Variants in GALNT13 observed in about 807,000 individuals in gnomAD.
GALNT13 encodes the protein polypeptide N-acetylgalactosaminyltransferase 13, also known as UDP-GalNAc:polypeptide N-acetylgalactosaminyltransferase 13.
GALNT13 carries 28 observed loss-of-function variants against 64.2 expected under a neutral mutation model. That is an observed-to-expected ratio of 0.44 (90% CI 0.32 to 0.60). GALNT13 has a LOEUF of 0.60. Ranked by LOEUF, GALNT13 falls within the 20% of genes least tolerant of loss-of-function variation. GALNT13 has a pLI of 0.05. For missense variants in GALNT13, 577 were observed against 669.8 expected (o/e 0.86, Z 1.53); for synonymous variants, 214 against 224.6 (o/e 0.95, Z 0.42).
intron 7 of GALNT13, among the ~76,000 whole-genome samples, chr2:154,249,523 T>C (rs1028234166): frequency 1.3e-5 from 2 of 152,200 alleles, no homozygotes; most frequent in Non-Finnish European, 2.9e-5. Context: ...TATGAAGATA[T>C]TCATTTCCAC....
chr2:154,403,677 A>C (rs978837), intron 10 of GALNT13, among the ~76,000 whole-genome samples: 99,209 of 151,942 alleles, frequency 0.65, 32,936 homozygotes, highest in East Asian at 0.73. Context: ...CTTTGTTTTT[A>C]GGCTTTTTGA....
At chr2:154,023,629 G>A (rs1697704361) in intron 3 of GALNT13, among the ~76,000 whole-genome samples, 1 of 152,134 alleles carries the variant, frequency 6.6e-6, no homozygotes, top group Admixed American at 6.5e-5. Context: ...GCACACTGAT[G>A]GGTCTTGACT....
chr2:154,426,489 C>G (rs1700477438), intron 11 of GALNT13, among the ~76,000 whole-genome samples: 1 of 152,174 alleles, frequency 6.6e-6, no homozygotes, highest in Admixed American at 6.5e-5. Flanking sequence ...CTTCGGTCAT[C>G]TGCAAATTGT....
At chr2:154,035,902 A>G (rs1234858098) in intron 3 of GALNT13, among the ~76,000 whole-genome samples, 1 of 152,036 alleles carries the variant, frequency 6.6e-6, no homozygotes, top group Non-Finnish European at 1.5e-5. Context: ...TTTGAGATGA[A>G]GATATTTCCA....
chr2:154,378,023 A>T (rs115591066), intron 9 of GALNT13, among the ~76,000 whole-genome samples: 66 of 152,114 alleles, frequency 4.3e-4, no homozygotes, highest in Middle Eastern at 3.4e-3. Flanking sequence ...CTTCCTTGTG[A>T]CTACATTTAT....
At chr2:154,091,938 A>G (rs1195283779) in intron 3 of GALNT13, among the ~76,000 whole-genome samples, 1 of 151,910 alleles carries the variant, frequency 6.6e-6, no homozygotes, top group African/African-American at 2.4e-5. Flanking sequence ...GCTTTAAACT[A>G]ATCGGATATT....
At chr2:153,866,565 T>G in the GALNT13 span, among the ~76,000 whole-genome samples, 1 of 152,158 alleles carries the variant, frequency 6.6e-6, no homozygotes, top group Non-Finnish European at 1.5e-5. Flanking sequence ...TAAGATAAAC[T>G]AGAGCAAATT....
intron 3 of GALNT13, among the ~76,000 whole-genome samples, chr2:154,073,862 C>G (rs372744874): frequency 6.6e-6 from 1 of 151,702 alleles, no homozygotes; most frequent in South Asian, 2.1e-4. Context: ...AACAAAATAA[C>G]ATAACAAAAA....
intron 9 of GALNT13, among the ~76,000 whole-genome samples, chr2:154,324,939 A>G (rs1694804497): frequency 6.6e-6 from 1 of 152,044 alleles, no homozygotes; most frequent in Non-Finnish European, 1.5e-5. Context: ...ACGCAACCTT[A>G]TTTGTAAGAT....
chr2:153,087,658 T>C, the GALNT13 span, among the ~76,000 whole-genome samples: 11 of 152,132 alleles, frequency 7.2e-5, no homozygotes, highest in Non-Finnish European at 1.0e-4. Flanking sequence ...ATTCATCCTC[T>C]ATCTGTTCAG....
the GALNT13 span, among the ~76,000 whole-genome samples, chr2:153,857,888 A>C: frequency 1.6e-3 from 249 of 152,304 alleles, no homozygotes; most frequent in Non-Finnish European, 2.6e-3. Context: ...CATTGAGACC[A>C]ACTTTCAGAG....
At chr2:153,406,689 T>G in the GALNT13 span, among the ~76,000 whole-genome samples, 1 of 152,214 alleles carries the variant, frequency 6.6e-6, no homozygotes, top group Non-Finnish European at 1.5e-5. Flanking sequence ...ATTACAGGAA[T>G]GAGCCACCAT....
intron 9 of GALNT13, among the ~76,000 whole-genome samples, chr2:154,355,853 T>C (rs1020550369): frequency 6.6e-6 from 1 of 152,040 alleles, no homozygotes; most frequent in African/African-American, 2.4e-5. Flanking sequence ...CATGTTTTTC[T>C]CTTGTACCAG....
chr2:154,418,771 A>T (rs1227512802), intron 11 of GALNT13, among the ~76,000 whole-genome samples: 1 of 152,228 alleles, frequency 6.6e-6, no homozygotes, highest in Admixed American at 6.5e-5. Flanking sequence ...CTCAGAGTTC[A>T]TAAATAGCCA....
chr2:153,533,723 C>CTTTTTTTTTTTTTTTT, the GALNT13 span, among the ~76,000 whole-genome samples: 176 of 48,704 alleles, frequency 3.6e-3, 21 homozygotes, highest in African/African-American at 9.1e-3. Context: ...TGAGGTTTTT[C>CTTTTTTTTTTTTTTTT]TTTTTTTTTT....
the GALNT13 span, among the ~76,000 whole-genome samples, chr2:153,115,602 G>A: frequency 1.3e-5 from 2 of 152,130 alleles, no homozygotes; most frequent in Admixed American, 6.5e-5. Flanking sequence ...TTCATGATGT[G>A]TTCTAAGAGC....
chr2:154,212,928 G>A (rs1687857163), intron 4 of GALNT13, among the ~76,000 whole-genome samples: 1 of 151,836 alleles, frequency 6.6e-6, no homozygotes, highest in Admixed American at 6.6e-5. Flanking sequence ...ATCTCAAAGT[G>A]TTATCTGGCC....
chr2:154,242,666 A>T (rs540619836), intron 5 of GALNT13, 32 bp from the exon 6 acceptor site: 23 of 1,481,402 alleles, frequency 1.6e-5, no homozygotes, highest in Admixed American at 1.1e-4. Context: ...AGTTTCAAAA[A>T]TTTTTCTTAT....
chr2:154,430,723 A>G lies in GALNT13; in HGVS notation c.1396-7869A>G, dbSNP rs534875909. The stretch of plus-strand genomic sequence containing the variant: ...TACAGAAAAATCTTTAGTGAAAGGA[A>G]AAGTTGATTGATGTGATAAACTTCA... On this transcript the variant is annotated intron_variant, in intron 11 of 12. Coordinates refer to ENST00000392825, the MANE Select transcript of GALNT13 (RefSeq NM_052917.4). Among the ~76,000 whole-genome samples the G allele has an allele frequency of 7.2e-5, 11 of 152,266 alleles. No homozygotes were observed. In the South Asian group the frequency reaches 2.3e-3, roughly 32 times the overall value.
Sources: gnomAD v4.1 joint callset for allele counts (sites outside exome capture counted in the v4.1 genomes callset) on GRCh38, gnomAD v4.1.1 for gene constraint, MANE v1.5 for transcripts, NCBI Gene and HGNC (gene_info 2026-07-23, HGNC 2026-07-21) for gene names.